Variants in NEK5 observed in about 807,000 individuals in gnomAD.
NEK5 encodes the protein NIMA related kinase 5.
NEK5 carries 88 observed loss-of-function variants against 109.2 expected under a neutral mutation model. That is an observed-to-expected ratio of 0.81 (90% CI 0.68 to 0.96). The LOEUF (loss-of-function observed/expected upper bound fraction) is 0.96, where lower values mean the gene tolerates loss of function less well. Ranked by LOEUF, NEK5 falls within the 40% of genes least tolerant of loss-of-function variation. The pLI is 0.00. For synonymous variants in NEK5, 283 were observed against 299.9 expected (o/e 0.94, Z 0.58); for missense variants, 834 against 920.7 (o/e 0.91, Z 1.22).
chr13:52,046,527 C>T (rs1188425070), intron 23 of NEK5, among the ~76,000 whole-genome samples: 1 of 149,454 alleles, frequency 6.7e-6, no homozygotes, highest in African/African-American at 2.5e-5. Flanking sequence ...AGTTTAAGAC[C>T]AGTCTGGGCA....
At chr13:52,051,390 T>C (rs1423784071) in intron 22 of NEK5, among the ~76,000 whole-genome samples, 2 of 152,164 alleles carry the variant, frequency 1.3e-5, no homozygotes, top group Non-Finnish European at 2.9e-5. Context: ...TTCTAATGAC[T>C]CTAAAACCCC....
At chr13:52,051,655 G>C (rs994327540) in intron 22 of NEK5, among the ~76,000 whole-genome samples, 19 of 152,140 alleles carry the variant, frequency 1.2e-4, no homozygotes, top group African/African-American at 4.6e-4. Context: ...CAGCGGCTGC[G>C]GTTGTGAAAG....
At chr13:52,083,766 G>A (rs777536626) in intron 16 of NEK5, among the ~76,000 whole-genome samples, 1 of 152,048 alleles carries the variant, frequency 6.6e-6, no homozygotes, top group Non-Finnish European at 1.5e-5. Flanking sequence ...TCGATCTCCC[G>A]ACCTCGTGAT....
rs780465917 is a variant in NEK5, at chr13:52,087,402, C to G, written c.1328G>C (p.Arg443Thr). 1 of 1,612,728 alleles carries G rather than the reference C, an allele frequency of 6.2e-7. No individual in the cohort carries two copies. The highest frequency in any genetic ancestry group is 1.1e-5 in the South Asian group (1 of 90,952). Residue 443 changes from arginine (R) to threonine (T), a missense_variant, in exon 15 of 24, where the codon AGA becomes ACA. Physicochemically the swap from Arg to Thr is moderately conservative, Grantham distance 71. Coordinates refer to ENST00000684899, the MANE Select transcript of NEK5 (RefSeq NM_001365552.1). ...EPNYNQRQEL[R>T]SNGEEPRFQE... ...GAATCTAGGCTCTTCTCCATTACTTCTTAGCTCTTGTCTCTGGTTGTAATT... is the reference window on the plus strand; with the variant it reads ...GAATCTAGGCTCTTCTCCATTACTTGTTAGCTCTTGTCTCTGGTTGTAATT...
In NEK5 at chr13:52,119,361, T is replaced by C. The variant is rs752118813; in HGVS notation, c.172A>G (p.Met58Val). 18 of 1,604,998 alleles carry C rather than the reference T, an allele frequency of 1.1e-5. No homozygotes were observed. Among genetic ancestry groups the C allele is most frequent in the Non-Finnish European group, 1.4e-5 (17 of 1,173,596 alleles). The part of the protein sequence containing the change: ...SKKEVILLEK[M>V]KHPNIVAFFN... ...AAGGCTACAATGTTGGGATGTTTCA[T>C]CTTTTCCAGAAGAATCACTTCTTTC... Residue 58 changes from methionine to valine, a missense_variant, in exon 4 of 24, where the codon ATG becomes GTG. Coordinates refer to ENST00000684899, the MANE Select transcript of NEK5 (RefSeq NM_001365552.1).
At chr13:52,105,464 C>T (rs767707451) in intron 8 of NEK5, among the ~76,000 whole-genome samples, 32 of 151,998 alleles carry the variant, frequency 2.1e-4, no homozygotes, top group Admixed American at 9.8e-4. Context: ...AGCAATACTC[C>T]CTTCTTGGCC....
chr13:52,089,222 T>C, intron 14 of NEK5, 25 bp downstream of exon 14: 7 of 1,395,124 alleles, frequency 5.0e-6, no homozygotes, highest in Non-Finnish European at 7.1e-6. Flanking sequence ...TCCTAATTGC[T>C]TCCCATATTT....
intron 3 of NEK5, among the ~76,000 whole-genome samples, chr13:52,124,502 T>C (rs999172183): frequency 1.3e-5 from 2 of 152,232 alleles, no homozygotes; most frequent in Non-Finnish European, 2.9e-5. Context: ...TGATTGCTAA[T>C]AGCCACTTAG....
rs1458700877 is a variant in NEK5, at chr13:52,127,399, C to T, written c.84G>A (p.Lys28=). The change falls in exon 3 of 24, where the codon AAG becomes AAA. Residue 28 remains lysine, a synonymous_variant. Coordinates refer to ENST00000684899, the MANE Select transcript of NEK5 (RefSeq NM_001365552.1). ...AYLAKGKSDS[K]HCVIKEINFE... The stretch of plus-strand genomic sequence containing the variant: ...AATTGATCTCTTTTATGACACAGTG[C>T]TTGCTATCTGATTTCCCTTTAGCTA... The T allele has an allele frequency of 1.4e-5, 23 of 1,609,508 alleles. No individual in the cohort carries two copies. Among genetic ancestry groups the T allele is most frequent in the East Asian group, 2.2e-5 (1 of 44,858 alleles).
intron 3 of NEK5, among the ~76,000 whole-genome samples, chr13:52,123,477 T>C (rs1055172626): frequency 1.3e-5 from 2 of 152,228 alleles, no homozygotes; most frequent in Non-Finnish European, 2.9e-5. Flanking sequence ...ATTTTCTCTT[T>C]ACATAGAATT....
intron 23 of NEK5, among the ~76,000 whole-genome samples, chr13:52,041,755 T>TAAAAAAAAAAAA (rs1954416539): frequency 9.0e-6 from 1 of 111,182 alleles, no homozygotes; most frequent in African/African-American, 3.0e-5. Context: ...AAAAAAAAAT[T>TAAAAAAAAAAAA]CACCTGGAAA....
In NEK5 at chr13:52,108,339, T is replaced by C; in HGVS notation, c.533A>G (p.Asn178Ser). 6.2e-7 allele frequency: 1 copy of C among 1,611,332 alleles called. No individual in the cohort carries two copies. The change falls in exon 8 of 24, where the codon AAT becomes AGT. Residue 178 changes from asparagine (N) to serine (S), a missense_variant. Asn to Ser is a conservative substitution (Grantham distance 46). Transcript: ENST00000684899. ...PYYLSPEICQNKPYNNKTDIW... is the reference protein window; with the variant it reads ...PYYLSPEICQSKPYNNKTDIW... ...TTACGTTTTATTGTTGTAGGGTTTA[T>C]TCTGACAGATCTCTGGGGACAGGTA...
intron 15 of NEK5, 68 bp downstream of exon 15, chr13:52,087,270 T>C (rs536233934): frequency 1.2e-6 from 1 of 814,592 alleles, no homozygotes; most frequent in East Asian, 2.4e-5. Flanking sequence ...AGTAACTCCC[T>C]ATTACAGTAC....
chr13:52,088,561 C>G (rs1955205464), intron 14 of NEK5, among the ~76,000 whole-genome samples: 1 of 151,906 alleles, frequency 6.6e-6, no homozygotes, highest in Non-Finnish European at 1.5e-5. Flanking sequence ...CCCCTTGTCA[C>G]TTTTTTTAAT....
At chr13:52,090,499 C>T (rs535920831) in intron 13 of NEK5, among the ~76,000 whole-genome samples, 5 of 152,292 alleles carry the variant, frequency 3.3e-5, no homozygotes, top group African/African-American at 1.2e-4. Context: ...TACCATTTCA[C>T]AGGAATTGAT....
chr13:52,115,982 C>G (rs1310203945), intron 4 of NEK5, among the ~76,000 whole-genome samples: 6 of 152,050 alleles, frequency 3.9e-5, no homozygotes, highest in Admixed American at 6.6e-5. Flanking sequence ...TTGAGACCAG[C>G]CTGGGCAACA....
chr13:52,108,046 G>A (rs1955687164), intron 8 of NEK5, among the ~76,000 whole-genome samples: 1 of 152,108 alleles, frequency 6.6e-6, no homozygotes, highest in Admixed American at 6.5e-5. Context: ...TTTTGAGTCG[G>A]TCTGGTGATA....
chr13:52,104,422 C>T, intron 9 of NEK5, 76 bp downstream of exon 9: 1 of 1,033,294 alleles, frequency 9.7e-7, no homozygotes, highest in Non-Finnish European at 1.5e-6. Context: ...CAAACATTAA[C>T]CTTTTTCTCC....
At chr13:52,040,775 A>T (rs1954406423) in intron 23 of NEK5, among the ~76,000 whole-genome samples, 1 of 152,136 alleles carries the variant, frequency 6.6e-6, no homozygotes, top group South Asian at 2.1e-4. Context: ...TTTACTTCTA[A>T]AAATCCCAGG....
Sources: allele counts gnomAD v4.1 joint callset (sites outside exome capture counted in the v4.1 genomes callset), GRCh38; gene constraint gnomAD v4.1.1; transcripts MANE v1.5; gene names NCBI Gene and HGNC (gene_info 2026-07-23, HGNC 2026-07-21).